STK33: variants seen among roughly 807,000 people sequenced by gnomAD.
STK33 encodes the protein serine/threonine kinase 33, also known as serine/threonine-protein kinase 33.
A neutral mutation model predicts 58.0 loss-of-function variants in STK33; 52 were observed. That is an observed-to-expected ratio of 0.90 (90% confidence interval 0.72 to 1.13). STK33 has a LOEUF of 1.13. STK33 is among the 50% of genes most tolerant of loss of function. The probability of loss-of-function intolerance (pLI) is 0.00; values close to 1 mark genes in which losing one functional copy is unlikely to be tolerated. For missense variants in STK33, 630 were observed against 604.2 expected (o/e 1.04, Z -0.45); for synonymous variants, 215 against 200.1 (o/e 1.07, Z -0.63).
chr11:8,549,627 G>T (rs755659697), intron 1 of STK33, among the ~76,000 whole-genome samples: 5 of 151,982 alleles, frequency 3.3e-5, no homozygotes, highest in Admixed American at 2.6e-4. Flanking sequence ...GAGCTTTGTT[G>T]GGGAACTTCT....
chr11:8,585,248 G>A (rs545846164), intron 1 of STK33, among the ~76,000 whole-genome samples: 17 of 86,916 alleles, frequency 2.0e-4, no homozygotes, highest in South Asian at 3.3e-4. Flanking sequence ...TTTTTGAGAC[G>A]GAGTCTCACT....
intron 1 of STK33, among the ~76,000 whole-genome samples, chr11:8,482,481 A>T (rs556304614): frequency 6.6e-6 from 1 of 152,292 alleles, no homozygotes; most frequent in Admixed American, 6.5e-5. Flanking sequence ...ATGGATAAAG[A>T]GATTATGAAG....
rs117115800 is a variant in STK33 at position 8,392,543 on chromosome 11, G to T, written c.1512C>A (p.Ser504=). Residue 504 remains serine (S), a synonymous_variant, in exon 16 of 16, where the codon TCC becomes TCA. Transcript: ENST00000687296. ...TCTTTTTGGTTCTGGACAGGGCGCC[G>T]GATTTAGCAGGGTACTTGGTTGCTG... ...QGTATKYPAK[S]GALSRTKKKL The T allele has an allele frequency of 3.1e-6, 5 of 1,614,058 alleles. No homozygotes were observed. In the East Asian group the frequency reaches 8.9e-5, roughly 29 times the overall value.
chr11:8,516,397 A>G (rs1412906827), intron 1 of STK33, among the ~76,000 whole-genome samples: 4 of 152,232 alleles, frequency 2.6e-5, no homozygotes, highest in African/African-American at 4.8e-5. Context: ...ATGGCCGAAT[A>G]GGCACAGCTC....
In STK33 at chr11:8,474,661, G is replaced by A. The variant is rs550381183; in HGVS notation, c.225+20C>T. The A allele has an allele frequency of 2.8e-4, 436 of 1,569,588 alleles. 4 individuals carry two copies. In the South Asian group the frequency reaches 4.7e-3, roughly 17 times the overall value. The stretch of plus-strand genomic sequence containing the variant: ...ACGGGATGTCAACTTGTGCTTAGAT[G>A]TGGAATCTTTGATATTTACCAAATC... On this transcript the variant is annotated intron_variant, in intron 5 of 15. Coordinates refer to ENST00000687296, the MANE Select transcript of STK33 (RefSeq NM_001352389.2).
chr11:8,427,028 G>T (rs1417667110), intron 14 of STK33, among the ~76,000 whole-genome samples: 1 of 151,926 alleles, frequency 6.6e-6, no homozygotes, highest in African/African-American at 2.4e-5. Flanking sequence ...TTTGTGTTTT[G>T]TTTTTGTATT....
chr11:8,387,400 G>A (rs1450347874), downstream of STK33, among the ~76,000 whole-genome samples: 1 of 152,222 alleles, frequency 6.6e-6, no homozygotes, highest in Non-Finnish European at 1.5e-5. Flanking sequence ...CTTCTTAGCT[G>A]TGTGACCTTG....
chr11:8,561,603 T>C (rs1448650077), intron 1 of STK33, among the ~76,000 whole-genome samples: 1 of 152,210 alleles, frequency 6.6e-6, no homozygotes, highest in African/African-American at 2.4e-5. Flanking sequence ...CTTTTCCCCA[T>C]GATATATTTG....
At chr11:8,574,094 C>T (rs147951423) in intron 1 of STK33, among the ~76,000 whole-genome samples, 1 of 152,286 alleles carries the variant, frequency 6.6e-6, no homozygotes, top group African/African-American at 2.4e-5. Flanking sequence ...AGTGGCCCCT[C>T]TCCCTCCCTC....
At chr11:8,468,017 G>A (rs1392717920) in intron 6 of STK33, among the ~76,000 whole-genome samples, 1 of 151,930 alleles carries the variant, frequency 6.6e-6, no homozygotes, top group African/African-American at 2.4e-5. Flanking sequence ...CCAATTTACT[G>A]TATTAGTCCA....
At chr11:8,346,709 C>T in the STK33 span, among the ~76,000 whole-genome samples, 8 of 152,186 alleles carry the variant, frequency 5.3e-5, no homozygotes, top group Non-Finnish European at 8.8e-5. Flanking sequence ...GCGGCCTCCT[C>T]GTGTCTTCCC....
intron 11 of STK33, among the ~76,000 whole-genome samples, chr11:8,444,266 A>AT (rs1945126658): frequency 1.3e-5 from 2 of 151,998 alleles, no homozygotes; most frequent in African/African-American, 2.4e-5. Flanking sequence ...CACTTTATAT[A>AT]TTTTTTCTCA....
At chr11:8,565,969 A>T (rs1565379231) in intron 1 of STK33, 1 of 152,200 alleles carries the variant, frequency 6.6e-6, no homozygotes, top group East Asian at 1.9e-4. Context: ...CAGTGTGACA[A>T]ATCTGAAGTC....
the STK33 span, among the ~76,000 whole-genome samples, chr11:8,365,805 TG>T: frequency 6.6e-6 from 1 of 151,990 alleles, no homozygotes. Flanking sequence ...CTGCCATTAC[TG>T]GGCACCTGGC....
the STK33 span, among the ~76,000 whole-genome samples, chr11:8,357,271 C>T: frequency 1.3e-5 from 2 of 152,360 alleles, no homozygotes; most frequent in Non-Finnish European, 2.9e-5. Flanking sequence ...CTCTGCAGCT[C>T]GCTGGGTCCG....
chr11:8,544,921 G>T (rs753016652), intron 1 of STK33, among the ~76,000 whole-genome samples: 47 of 152,126 alleles, frequency 3.1e-4, no homozygotes, highest in Admixed American at 2.8e-3. Flanking sequence ...CTGAGATAAT[G>T]TTATTCCAAT....
the STK33 span, among the ~76,000 whole-genome samples, chr11:8,377,097 C>A: frequency 6.6e-6 from 1 of 152,202 alleles, no homozygotes; most frequent in African/African-American, 2.4e-5. Flanking sequence ...TCGACAGTGC[C>A]CCTTTGCACC....
At chr11:8,426,376 C>CG (rs1311702774) in intron 14 of STK33, among the ~76,000 whole-genome samples, 4 of 152,166 alleles carry the variant, frequency 2.6e-5, no homozygotes, top group African/African-American at 7.2e-5. Flanking sequence ...GCTAGGGTCT[C>CG]GGGTTTTTTA....
chr11:8,516,985 G>A (rs1040246195), intron 1 of STK33, among the ~76,000 whole-genome samples: 3 of 152,148 alleles, frequency 2.0e-5, no homozygotes, highest in East Asian at 1.9e-4. Flanking sequence ...AGACAGTAGC[G>A]GTTCTCTCAG....
Sources: allele counts gnomAD v4.1 joint callset (sites outside exome capture counted in the v4.1 genomes callset), GRCh38; gene constraint gnomAD v4.1.1; transcripts MANE v1.5; gene names NCBI Gene and HGNC (gene_info 2026-07-23, HGNC 2026-07-21).